The following ARID1B variants were observed in gnomAD, a reference collection of about 807,000 sequenced individuals.
ARID1B encodes AT-rich interaction domain 1B, also known as AT-rich interactive domain-containing protein 1B.
Under a neutral mutation model 212.3 loss-of-function variants are expected in ARID1B, and 30 were observed. That is an observed-to-expected ratio of 0.14 (90% confidence interval 0.11 to 0.19). ARID1B has a LOEUF of 0.19. ARID1B is among the 10% of genes least tolerant of loss of function. The pLI, the probability that ARID1B is intolerant of heterozygous loss-of-function variation, is 1.00. For missense variants in ARID1B, 2,891 were observed against 3,204.0 expected (o/e 0.90, Z 2.36); for synonymous variants, 1,402 against 1,301.7 (o/e 1.08, Z -1.66).
At chr6:156,845,414 G>A (rs1715126610) in intron 2 of ARID1B, among the ~76,000 whole-genome samples, 1 of 152,092 alleles carries the variant, frequency 6.6e-6, no homozygotes, top group South Asian at 2.1e-4. Flanking sequence ...CGTTTTAGTA[G>A]GGTTCATCCT....
intron 3 of ARID1B, among the ~76,000 whole-genome samples, chr6:156,930,994 T>G (rs778334074): frequency 2.7e-4 from 41 of 152,074 alleles, no homozygotes; most frequent in Admixed American, 5.9e-4. Context: ...ATAGAGACCA[T>G]TCTGGCCAAC....
intron 1 of ARID1B, among the ~76,000 whole-genome samples, chr6:156,812,129 ATCTCTC>A (rs898995168): frequency 6.6e-6 from 1 of 151,442 alleles, no homozygotes; most frequent in East Asian, 1.9e-4. Context: ...ATATTTCTGC[ATCTCTC>A]TCTCTCTCTT....
intron 2 of ARID1B, among the ~76,000 whole-genome samples, chr6:156,897,430 C>T (rs112050782): frequency 5.7e-4 from 86 of 151,584 alleles, no homozygotes; most frequent in African/African-American, 1.9e-3. Context: ...TGTGCCACCA[C>T]GCCTGGCTAA....
At chr6:156,932,904 C>G (rs1028513128) in intron 3 of ARID1B, among the ~76,000 whole-genome samples, 1 of 152,164 alleles carries the variant, frequency 6.6e-6, no homozygotes, top group African/African-American at 2.4e-5. Context: ...GATTTTATTT[C>G]CAACTGTACT....
upstream of ARID1B, among the ~76,000 whole-genome samples, chr6:156,776,178 G>A (rs1778613472): frequency 6.6e-6 from 1 of 152,208 alleles, no homozygotes; most frequent in Non-Finnish European, 1.5e-5. Context: ...TGAAAACTGA[G>A]TCCACACTAG....
At chr6:157,005,070 G>A (rs56352523) in intron 4 of ARID1B, among the ~76,000 whole-genome samples, 6,208 of 151,750 alleles carry the variant, frequency 0.041, 171 homozygotes, top group Middle Eastern at 0.12. Context: ...GCACCACCAC[G>A]CCTGGCTAAT....
In ARID1B at chr6:156,970,694, C is replaced by T. The variant is rs76052214; in HGVS notation, c.2247+35118C>T. Among the ~76,000 whole-genome samples, 814 of 152,316 alleles carry T rather than the reference C, an allele frequency of 5.3e-3. 6 individuals are homozygous for T. The highest frequency in any genetic ancestry group is 0.019 in the African/African-American group (784 of 41,574). Reference sequence around the variant, plus strand: ...TCATTGGAAAAGGAATGCTTCAGTGCCCAGCCTTCCTTCTGCATTGCTGTC... The same window carrying T: ...TCATTGGAAAAGGAATGCTTCAGTGTCCAGCCTTCCTTCTGCATTGCTGTC... On this transcript the variant is annotated intron_variant, in intron 4 of 19. Transcript: ENST00000636930.
chr6:156,923,144 A>C (rs542032945), intron 3 of ARID1B, among the ~76,000 whole-genome samples: 18 of 152,338 alleles, frequency 1.2e-4, no homozygotes, highest in African/African-American at 4.1e-4. Flanking sequence ...GGGTGGGTGG[A>C]CAGGTATCTA....
chr6:157,114,060 A>C (rs892390836), intron 6 of ARID1B, among the ~76,000 whole-genome samples: 3 of 152,222 alleles, frequency 2.0e-5, no homozygotes, highest in Admixed American at 1.3e-4. Flanking sequence ...AATGGAAAGC[A>C]GATCTAAGAA....
chr6:156,942,820 G>A (rs1792779769), intron 4 of ARID1B: 1 of 152,218 alleles, frequency 6.6e-6, no homozygotes, highest in African/African-American at 2.4e-5. Flanking sequence ...CCAGTGTGAG[G>A]CGTTGAATGC....
chr6:157,104,832 A>G (rs1786340626), intron 5 of ARID1B, among the ~76,000 whole-genome samples: 1 of 152,182 alleles, frequency 6.6e-6, no homozygotes, highest in Non-Finnish European at 1.5e-5. Context: ...TTGCTGTGAA[A>G]ATATTAGTGA....
At chr6:157,104,170 C>T (rs1583312486) in intron 5 of ARID1B, among the ~76,000 whole-genome samples, 1 of 152,304 alleles carries the variant, frequency 6.6e-6, no homozygotes, top group East Asian at 1.9e-4. Flanking sequence ...CATAAACATA[C>T]ATCTGGTGGG....
chr6:156,932,143 A>G (rs916297722), intron 3 of ARID1B, among the ~76,000 whole-genome samples: 9 of 101,982 alleles, frequency 8.8e-5, no homozygotes, highest in Non-Finnish European at 1.4e-4. Flanking sequence ...AAAAAAAAAA[A>G]AAGGGGGGGG....
At chr6:157,132,799 T>C (rs1788638970) in intron 6 of ARID1B, among the ~76,000 whole-genome samples, 1 of 152,206 alleles carries the variant, frequency 6.6e-6, no homozygotes, top group Non-Finnish European at 1.5e-5. Context: ...CCACAAGCCA[T>C]TGGCTTCCTG....
rs1400401949 is a variant in ARID1B at position 157,208,743 on chromosome 6, T to C, written c.*852T>C. The C allele has an allele frequency of 4.5e-6, 1 of 219,850 alleles. No homozygotes were observed. Among genetic ancestry groups the C allele is most frequent in the African/African-American group, 2.4e-5 (1 of 41,028 alleles). The allele number at this position is 219,850 out of a possible 1,614,324, so 13.6% of individuals were successfully genotyped here. ...TTTTTTTTTTTTTTTTAGTACAAAG[T>C]TTTAGTTTCTTTTTCATGATGTGGT... On this transcript the variant is annotated 3_prime_UTR_variant, in exon 20 of 20. Transcript: ENST00000636930.
chr6:156,879,100 G>C (rs908908962), intron 2 of ARID1B, among the ~76,000 whole-genome samples: 2 of 152,254 alleles, frequency 1.3e-5, no homozygotes, highest in Non-Finnish European at 2.9e-5. Flanking sequence ...TCCCGGCTGT[G>C]CCCTGTGCAT....
At chr6:157,137,297 A>C (rs1261310073) in intron 7 of ARID1B, among the ~76,000 whole-genome samples, 4 of 152,232 alleles carry the variant, frequency 2.6e-5, no homozygotes, top group Admixed American at 1.3e-4. Context: ...AATGTGTAAA[A>C]ATACTTAATT....
chr6:157,177,579 C>A (rs1425823331), intron 11 of ARID1B, among the ~76,000 whole-genome samples: 1 of 152,090 alleles, frequency 6.6e-6, no homozygotes, highest in African/African-American at 2.4e-5. Context: ...AACATTTGTC[C>A]ATACACATAC....
intron 4 of ARID1B, chr6:156,941,260 A>G (rs1193732077): frequency 2.0e-5 from 3 of 152,234 alleles, no homozygotes; most frequent in African/African-American, 4.8e-5. Context: ...CTCCTGTGCC[A>G]GGGAGGAAGA....
Sources: allele counts gnomAD v4.1 joint callset (sites outside exome capture counted in the v4.1 genomes callset), GRCh38; gene constraint gnomAD v4.1.1; transcripts MANE v1.5; gene names NCBI Gene and HGNC (gene_info 2026-07-23, HGNC 2026-07-21).